Variants in SLC10A7 observed in about 807,000 individuals in gnomAD.
The protein encoded by SLC10A7 is solute carrier family 10 member 7.
SLC10A7 carries 29 observed loss-of-function variants against 43.2 expected under a neutral mutation model. The observed-to-expected ratio is 0.67, with a 90% CI of 0.50 to 0.92. The LOEUF is 0.92. SLC10A7 is among the 40% of genes least tolerant of loss of function. SLC10A7 has a pLI of 0.00. For missense variants in SLC10A7, 295 were observed against 403.2 expected, an observed-to-expected ratio of 0.73 and a Z score of 2.30; for synonymous variants, 152 against 144.8, an observed-to-expected ratio of 1.05 and a Z score of -0.35.
intron 4 of SLC10A7, among the ~76,000 whole-genome samples, chr4:146,462,101 A>AT (rs1288708388): frequency 2.6e-5 from 4 of 152,030 alleles, no homozygotes; most frequent in African/African-American, 7.2e-5. Flanking sequence ...AAATAAATAT[A>AT]TTTTTCAATA....
intron 9 of SLC10A7, among the ~76,000 whole-genome samples, chr4:146,288,208 G>A (rs571756119): frequency 6.6e-6 from 1 of 152,276 alleles, no homozygotes; most frequent in African/African-American, 2.4e-5. Context: ...CTCCTCAATA[G>A]GGTTGACTTG....
chr4:146,289,325 G>A (rs142084846), intron 9 of SLC10A7, among the ~76,000 whole-genome samples: 34 of 152,244 alleles, frequency 2.2e-4, no homozygotes, highest in African/African-American at 7.2e-4. Context: ...ATATCTCACT[G>A]GAAATGTACT....
At chr4:146,463,755 A>C (rs1288186506) in intron 4 of SLC10A7, among the ~76,000 whole-genome samples, 2 of 151,892 alleles carry the variant, frequency 1.3e-5, no homozygotes, top group African/African-American at 4.8e-5. Context: ...AAACAAAACA[A>C]AACAGAATTC....
chr4:146,512,032 G>A (rs2150048400), intron 2 of SLC10A7, among the ~76,000 whole-genome samples: 1 of 121,852 alleles, frequency 8.2e-6, no homozygotes, highest in South Asian at 2.7e-4. Flanking sequence ...GGAGTGCGAT[G>A]GTGCGATCTC....
chr4:146,448,679 T>C (rs1016214936), intron 4 of SLC10A7, among the ~76,000 whole-genome samples: 1 of 152,220 alleles, frequency 6.6e-6, no homozygotes, highest in African/African-American at 2.4e-5. Context: ...TCAAAATACA[T>C]AGAAATGTTT....
At chr4:146,499,163 G>C (rs1280136432) in intron 4 of SLC10A7, among the ~76,000 whole-genome samples, 1 of 152,056 alleles carries the variant, frequency 6.6e-6, no homozygotes, top group Non-Finnish European at 1.5e-5. Flanking sequence ...TGAAAAAGGT[G>C]ATAACACAAA....
intron 4 of SLC10A7, among the ~76,000 whole-genome samples, chr4:146,450,464 A>G (rs1046450406): frequency 6.6e-6 from 1 of 152,190 alleles, no homozygotes; most frequent in South Asian, 2.1e-4. Flanking sequence ...ACCATGGGAC[A>G]ATTGCATTAA....
At chr4:146,256,839 T>C (rs1190155578) in intron 11 of SLC10A7, 6 of 1,535,518 alleles carry the variant, frequency 3.9e-6, no homozygotes, top group Non-Finnish European at 5.2e-6. Flanking sequence ...GAGGATGGAC[T>C]CTTGGTATTT....
At chr4:146,417,983 G>GA (rs1728692293) in intron 5 of SLC10A7, among the ~76,000 whole-genome samples, 1 of 150,048 alleles carries the variant, frequency 6.7e-6, no homozygotes, top group Non-Finnish European at 1.5e-5. Flanking sequence ...TGTGAGTTCT[G>GA]AACAGACAAT....
At chr4:146,291,864 G>A (rs1328077142) in intron 9 of SLC10A7, among the ~76,000 whole-genome samples, 2 of 152,172 alleles carry the variant, frequency 1.3e-5, no homozygotes. Flanking sequence ...TGGGTTATCA[G>A]TGCAAGATTG....
chr4:146,455,011 A>C (rs1731929899), intron 4 of SLC10A7, among the ~76,000 whole-genome samples: 1 of 151,902 alleles, frequency 6.6e-6, no homozygotes, highest in Non-Finnish European at 1.5e-5. Flanking sequence ...ATCTTTTAAA[A>C]AATCAATTTC....
intron 5 of SLC10A7, among the ~76,000 whole-genome samples, chr4:146,375,253 C>T (rs1001004195): frequency 6.6e-6 from 1 of 151,972 alleles, no homozygotes; most frequent in East Asian, 1.9e-4. Context: ...CAACAAAAAA[C>T]CAAACAGTAT....
chr4:146,258,064 A>G (rs777475782), intron 11 of SLC10A7, among the ~76,000 whole-genome samples: 10 of 152,238 alleles, frequency 6.6e-5, no homozygotes, highest in Non-Finnish European at 1.5e-4. Flanking sequence ...GATATGCACC[A>G]TCTAAACTTC....
intron 2 of SLC10A7, chr4:146,514,943 G>A (rs1221452063): frequency 9.0e-6 from 5 of 554,606 alleles, no homozygotes; most frequent in African/African-American, 5.7e-5. Flanking sequence ...TGGAAGAAAT[G>A]GCTTTGATTG....
intron 4 of SLC10A7, among the ~76,000 whole-genome samples, chr4:146,465,342 T>A (rs959367709): frequency 2.6e-5 from 4 of 152,154 alleles, no homozygotes; most frequent in Non-Finnish European, 5.9e-5. Flanking sequence ...TGATTCCTTA[T>A]CTTAGAAAAC....
chr4:146,500,614 T>C (rs1736310217), intron 4 of SLC10A7, among the ~76,000 whole-genome samples: 1 of 152,210 alleles, frequency 6.6e-6, no homozygotes, highest in African/African-American at 2.4e-5. Flanking sequence ...CTTACATCAA[T>C]AGTTTCCTCT....
chr4:146,453,933 G>A (rs1731820792), intron 4 of SLC10A7, among the ~76,000 whole-genome samples: 1 of 151,808 alleles, frequency 6.6e-6, no homozygotes, highest in Non-Finnish European at 1.5e-5. Flanking sequence ...TTTTCCTGAG[G>A]TGCAAAAACA....
chr4:146,414,721 T>TAA (rs111567819), intron 5 of SLC10A7, among the ~76,000 whole-genome samples: 124 of 141,672 alleles, frequency 8.8e-4, no homozygotes, highest in African/African-American at 2.3e-3. Flanking sequence ...AGACTCCATC[T>TAA]AAAAAAAAAA....
chr4:146,374,561 C>T (rs1202442712), intron 5 of SLC10A7, among the ~76,000 whole-genome samples: 1 of 150,294 alleles, frequency 6.7e-6, no homozygotes, highest in African/African-American at 2.5e-5. Context: ...TGCACTCTAG[C>T]CTAGGCAACA....
Sources: allele counts gnomAD v4.1 joint callset (sites outside exome capture counted in the v4.1 genomes callset), GRCh38; gene constraint gnomAD v4.1.1; transcripts MANE v1.5; gene names NCBI Gene and HGNC (gene_info 2026-07-23, HGNC 2026-07-21).